Variants in PLGRKT observed in about 807,000 individuals in gnomAD.
PLGRKT encodes the protein plasminogen receptor with a C-terminal lysine.
Under a neutral mutation model 18.5 loss-of-function variants are expected in PLGRKT, and 22 were observed. That is an observed-to-expected ratio of 1.19 (90% CI 0.85 to 1.70). The LOEUF is 1.70. Ranked by LOEUF, PLGRKT falls within the 40% of genes most tolerant of loss-of-function variation. PLGRKT has a pLI of 0.00. For missense variants in PLGRKT, 235 were observed against 174.4 expected (o/e 1.35, Z -1.96); for synonymous variants, 72 against 52.8 (o/e 1.36, Z -1.58).
At chr9:5,361,317 T>C (rs1026140692) in intron 4 of PLGRKT, 130 bp from the exon 5 acceptor site, 3 of 594,452 alleles carry the variant, frequency 5.0e-6, no homozygotes, top group Non-Finnish European at 8.8e-6. Context: ...CTTAACACAT[T>C]TGATAATTCT....
intron 3 of PLGRKT, among the ~76,000 whole-genome samples, chr9:5,393,790 A>G (rs1458852103): frequency 6.6e-6 from 1 of 151,910 alleles, no homozygotes; most frequent in African/African-American, 2.4e-5. Context: ...CCATTTGCTG[A>G]TTTAAAGTTG....
At chr9:5,405,474 A>T (rs1273277369) in intron 3 of PLGRKT, among the ~76,000 whole-genome samples, 1 of 152,236 alleles carries the variant, frequency 6.6e-6, no homozygotes, top group Non-Finnish European at 1.5e-5. Context: ...CAACTGTCTG[A>T]TCTTTGACAA....
At chr9:5,397,631 G>T (rs1420825354) in intron 3 of PLGRKT, among the ~76,000 whole-genome samples, 1 of 151,068 alleles carries the variant, frequency 6.6e-6, no homozygotes, top group Admixed American at 6.6e-5. Flanking sequence ...GGGAAGAGGG[G>T]AGAGAGGGAA....
At chr9:5,375,092 T>G (rs960882904) in intron 3 of PLGRKT, among the ~76,000 whole-genome samples, 1 of 152,172 alleles carries the variant, frequency 6.6e-6, no homozygotes, top group African/African-American at 2.4e-5. Context: ...GAGGTCAACT[T>G]CAGAAGCATA....
chr9:5,420,135 T>G (rs1243344509), intron 3 of PLGRKT, among the ~76,000 whole-genome samples: 4 of 152,212 alleles, frequency 2.6e-5, no homozygotes, highest in South Asian at 2.1e-4. Flanking sequence ...AGACTGCATA[T>G]TCTATGATTT....
intron 3 of PLGRKT, among the ~76,000 whole-genome samples, chr9:5,405,491 C>CA (rs1818238592): frequency 6.6e-6 from 1 of 152,076 alleles, no homozygotes; most frequent in African/African-American, 2.4e-5. Context: ...ACAAACCTGA[C>CA]AAAAACAAGC....
chr9:5,416,841 G>A (rs149537082), intron 3 of PLGRKT, among the ~76,000 whole-genome samples: 3 of 152,330 alleles, frequency 2.0e-5, no homozygotes, highest in Non-Finnish European at 4.4e-5. Context: ...TTGTAGAAAA[G>A]TGCCTGTGGC....
intron 3 of PLGRKT, among the ~76,000 whole-genome samples, chr9:5,392,860 G>C (rs1817975521): frequency 6.6e-6 from 1 of 150,790 alleles, no homozygotes. Context: ...ATTTATTTTT[G>C]AGACAGAGTC....
chr9:5,420,865 G>GA (rs1363653993), intron 3 of PLGRKT, among the ~76,000 whole-genome samples: 1 of 152,110 alleles, frequency 6.6e-6, no homozygotes, highest in African/African-American at 2.4e-5. Context: ...AGCAAGTAAA[G>GA]AAAAAAACAG....
At chr9:5,410,521 GAAAGAAA>G (rs1818342599) in intron 3 of PLGRKT, among the ~76,000 whole-genome samples, 1 of 148,098 alleles carries the variant, frequency 6.8e-6, no homozygotes, top group Non-Finnish European at 1.5e-5. Context: ...AAAGGAAAAA[GAAAGAAA>G]AAAGAAAAAG....
At chr9:5,424,646 A>AAT (rs200659332) in intron 3 of PLGRKT, among the ~76,000 whole-genome samples, 31,140 of 126,080 alleles carry the variant, frequency 0.25, 4,124 homozygotes, top group Non-Finnish European at 0.27. Flanking sequence ...TATTTACATT[A>AAT]TATATAATAT....
chr9:5,409,621 G>A (rs1586732904), intron 3 of PLGRKT, among the ~76,000 whole-genome samples: 1 of 152,202 alleles, frequency 6.6e-6, no homozygotes, highest in East Asian at 1.9e-4. Context: ...ACCAGCCCAT[G>A]AGAGCAGTTG....
Position 5,418,678 on chromosome 9 carries a change from A to G in PLGRKT, c.81+13219T>C, listed in dbSNP as rs1818512390. 1.5e-6 allele frequency: 1 copy of G among 669,560 alleles called. No homozygotes were observed. Among genetic ancestry groups the G allele is most frequent in the Admixed American group, 2.0e-5 (1 of 48,846 alleles). The allele number at this position is 669,560 out of a possible 1,614,324, so 41.5% of individuals were successfully genotyped here. A position where few individuals can be genotyped will look rare whatever the true frequency, so the allele number is the denominator to read the frequency against. ...CTCCTTGGAGATGGGCAGGGGCAGCATGTAGCACCCACTGCCGGGAAGTCT... is the reference window on the plus strand; with the variant it reads ...CTCCTTGGAGATGGGCAGGGGCAGCGTGTAGCACCCACTGCCGGGAAGTCT... On this transcript the variant is annotated intron_variant, in intron 3 of 5. Transcript: ENST00000223864. The surrounding 1 kb of genome is among the most constrained non-coding windows in gnomAD (Gnocchi z 4.2).
chr9:5,364,247 G>A (rs780258433), intron 3 of PLGRKT, among the ~76,000 whole-genome samples: 42 of 152,104 alleles, frequency 2.8e-4, no homozygotes, highest in Admixed American at 1.9e-3. Flanking sequence ...GATAGTTCCC[G>A]TGTGCAGCCG....
At chr9:5,394,785 A>G (rs1818014553) in intron 3 of PLGRKT, among the ~76,000 whole-genome samples, 1 of 151,962 alleles carries the variant, frequency 6.6e-6, no homozygotes, top group Non-Finnish European at 1.5e-5. Flanking sequence ...AAAATTCACC[A>G]TAGTTTCCTG....
chr9:5,394,524 T>G (rs2131115951), intron 3 of PLGRKT, among the ~76,000 whole-genome samples: 1 of 151,890 alleles, frequency 6.6e-6, no homozygotes, highest in South Asian at 2.1e-4. Context: ...GCAATTCTCC[T>G]GCCTCAGCCT....
intron 3 of PLGRKT, among the ~76,000 whole-genome samples, chr9:5,370,465 C>T (rs1000463594): frequency 7.2e-5 from 11 of 152,150 alleles, no homozygotes; most frequent in African/African-American, 2.7e-4. Context: ...CTGGAGCCTT[C>T]CCTATTTTTG....
At chr9:5,401,635 T>C (rs1818156016) in intron 3 of PLGRKT, among the ~76,000 whole-genome samples, 1 of 151,860 alleles carries the variant, frequency 6.6e-6, no homozygotes, top group Non-Finnish European at 1.5e-5. Context: ...ATAAATAAAA[T>C]AAACCAGCAT....
At chr9:5,420,786 C>G (rs1239525591) in intron 3 of PLGRKT, among the ~76,000 whole-genome samples, 1 of 152,170 alleles carries the variant, frequency 6.6e-6, no homozygotes, top group Non-Finnish European at 1.5e-5. Flanking sequence ...ACTGCACTTT[C>G]TTGCTTTCCT....
Sources: allele counts gnomAD v4.1 joint callset (sites outside exome capture counted in the v4.1 genomes callset), GRCh38; gene constraint gnomAD v4.1.1; non-coding constraint Gnocchi (gnomAD v3.1); transcripts MANE v1.5; gene names NCBI Gene and HGNC (gene_info 2026-07-23, HGNC 2026-07-21).